Variants in XYLT2 observed in about 807,000 individuals in gnomAD.
XYLT2 encodes the protein xylosyltransferase 2.
In XYLT2, 37 loss-of-function variants were observed where a neutral mutation model predicts 82.6. That is an observed-to-expected ratio of 0.45 (90% CI 0.34 to 0.59). The LOEUF (loss-of-function observed/expected upper bound fraction) is 0.59, where lower values mean the gene tolerates loss of function less well. Among genes scored for constraint, XYLT2 ranks in the 20% least tolerant of loss-of-function variants. The pLI is 0.01. For synonymous variants in XYLT2, 474 were observed against 499.0 expected (o/e 0.95, Z 0.67); for missense variants, 934 against 1,181.3 (o/e 0.79, Z 3.07).
rs913399222 is a variant in XYLT2 at position 50,346,485 on chromosome 17, T to C, written c.135+210T>C. The C allele has an allele frequency of 6.0e-6, 5 of 835,012 alleles. No individual in the cohort carries two copies. The highest frequency in any genetic ancestry group is 5.8e-6 in the Non-Finnish European group (4 of 692,820). The allele number at this position is 835,012 out of a possible 1,614,324, so 51.7% of individuals were successfully genotyped here. ...CTGCGCGCGGGGGCAGTGCGTGACC[T>C]GGAGACCCGGGCCCTGGTGGATTGG... On this transcript the variant is annotated intron_variant, in intron 1 of 10. Coordinates refer to ENST00000017003, the MANE Select transcript of XYLT2 (RefSeq NM_022167.4). The surrounding 1 kb of genome is among the most constrained non-coding windows in gnomAD (Gnocchi z 5.1).
Position 50,354,911 on chromosome 17 carries a change from C to G in XYLT2, c.862C>G (p.Arg288Gly). ...GCTGGCCCAGGGCTATGATAACGTG[C>G]GGGTGACGCCCTGGCGCATGGTTAC... The part of the protein sequence containing the change: ...VELAQGYDNV[R>G]VTPWRMVTIW... Residue 288 changes from arginine (R) to glycine (G), a missense_variant, in exon 4 of 11, where the codon CGG becomes GGG. By Grantham distance (125) the Arg-to-Gly change is moderately radical. Coordinates refer to ENST00000017003, the MANE Select transcript of XYLT2 (RefSeq NM_022167.4). 1.2e-6 allele frequency: 2 copies of G among 1,608,594 alleles called. No individual in the cohort carries two copies. Among genetic ancestry groups the G allele is most frequent in the Non-Finnish European group, 1.7e-6 (2 of 1,177,362 alleles).
Position 50,353,943 on chromosome 17 carries a change from C to T in XYLT2, c.449C>T (p.Ala150Val). The T allele has an allele frequency of 1.9e-6, 3 of 1,606,548 alleles. No individual in the cohort carries two copies. The highest frequency in any genetic ancestry group is 2.2e-5 in the East Asian group (1 of 44,856). ...GGAGATACAGGGAGCGTGGAGGGCG[C>T]CCCCCAGCCCACGGACAATGGCTTC... is the stretch of plus-strand genomic sequence containing the variant. ...PHGDTGSVEG[A>V]PQPTDNGFTP... Residue 150 changes from alanine (A) to valine (V), a missense_variant, in exon 2 of 11, where the codon GCC (alanine) becomes GTC (valine). By Grantham distance (64) the Ala-to-Val change is moderately conservative. Coordinates refer to ENST00000017003, the MANE Select transcript of XYLT2 (RefSeq NM_022167.4).
intron 1 of XYLT2, among the ~76,000 whole-genome samples, chr17:50,349,723 G>A (rs1482680051): frequency 7.2e-5 from 11 of 152,134 alleles, no homozygotes; most frequent in Non-Finnish European, 1.5e-5. Context: ...ACTGGTAGTG[G>A]GTAGGGTGTG....
chr17:50,348,023 C>G (rs72832435), intron 1 of XYLT2, among the ~76,000 whole-genome samples: 3,638 of 152,336 alleles, frequency 0.024, 65 homozygotes, highest in Middle Eastern at 0.061. Context: ...GAAGCACTTG[C>G]AGGAGTTCCT....
intron 1 of XYLT2, among the ~76,000 whole-genome samples, chr17:50,350,634 G>A (rs1428816651): frequency 6.6e-6 from 1 of 152,130 alleles, no homozygotes; most frequent in East Asian, 1.9e-4. Flanking sequence ...CTATGTCAGT[G>A]AACAAAACAG....
chr17:50,358,608 C>A, intron 10 of XYLT2, 68 bp downstream of exon 10: 2 of 1,464,106 alleles, frequency 1.4e-6, no homozygotes, highest in South Asian at 2.7e-5. Flanking sequence ...GAGGTGACCT[C>A]AAGAAGCCAA....
chr17:50,356,502 C>T lies in XYLT2; in HGVS notation c.1483-9C>T. On this transcript the variant is annotated splice_polypyrimidine_tract_variant and intron_variant, in intron 7 of 10. Coordinates refer to ENST00000017003, the MANE Select transcript of XYLT2 (RefSeq NM_022167.4). The stretch of plus-strand genomic sequence containing the variant: ...GAGCCCTTCACCCTCCTTGCCTCTC[C>T]CACTCCAGCAAGTCTCCAGACCCAC... 2 of 1,613,394 alleles carry T rather than the reference C, an allele frequency of 1.2e-6. No homozygotes were observed. The highest frequency in any genetic ancestry group is 1.7e-6 in the Non-Finnish European group (2 of 1,179,624).
intron 9 of XYLT2, 86 bp from the exon 10 acceptor site, chr17:50,358,121 C>T: frequency 1.6e-6 from 2 of 1,270,192 alleles, no homozygotes; most frequent in South Asian, 1.5e-5. Flanking sequence ...AGTGACTGGC[C>T]TGAGATTACA....
chr17:50,354,787 C>A (rs763783567), intron 3 of XYLT2, 67 bp from the exon 4 acceptor site: 1 of 1,597,374 alleles, frequency 6.3e-7, no homozygotes, highest in East Asian at 2.2e-5. Context: ...TCCCTTCACT[C>A]TGTCCTGGGG....
intron 10 of XYLT2, 58 bp downstream of exon 10, chr17:50,358,598 G>A: frequency 1.3e-6 from 2 of 1,503,344 alleles, no homozygotes; most frequent in South Asian, 1.3e-5. Flanking sequence ...ACTCGCCAGA[G>A]AGGTGACCTC....
Position 50,348,902 on chromosome 17 carries a change from CTG to C in XYLT2, c.135+2630_135+2631del, listed in dbSNP as rs143388639. Among the ~76,000 whole-genome samples, 686 of 152,324 alleles carry C rather than the reference CTG, an allele frequency of 4.5e-3. 18 individuals are homozygous for C. The South Asian group carries it at 0.056, about 12-fold the overall frequency. ...GACCTCAGGGGCTGCTGGGGGCAGC[CTG>C]TGAGGGGCACAAGGCTGGGGCTGTG... On this transcript the variant is annotated intron_variant, in intron 1 of 10. Coordinates refer to ENST00000017003, the MANE Select transcript of XYLT2 (RefSeq NM_022167.4).
At chr17:50,355,622 T>A (rs769294897) in intron 5 of XYLT2, 41 bp downstream of exon 5, 11 of 1,609,990 alleles carry the variant, frequency 6.8e-6, no homozygotes, top group Non-Finnish European at 7.6e-6. Context: ...CAGAGTCTTG[T>A]CCCAACCCCT....
intron 3 of XYLT2, 71 bp downstream of exon 3, chr17:50,354,654 AGTCTCTG>A: frequency 1.3e-6 from 2 of 1,546,502 alleles, no homozygotes; most frequent in South Asian, 2.4e-5. Context: ...AGACAGACAG[AGTCTCTG>A]ACCTGGCCCA....
Position 50,354,422 on chromosome 17 carries a change from G to A in XYLT2, c.643G>A (p.Gly215Ser), listed in dbSNP as rs148860176. 64 of 1,607,912 alleles carry A rather than the reference G, an allele frequency of 4.0e-5. No individual in the cohort carries two copies. The African/African-American group carries it at 4.0e-4, about 10-fold the overall frequency. ...TCTGCTCTCAGGGAAGATGAGCCCCGGCATCCAGTGGGATGAGAGCCAAGC... is the reference window on the plus strand; with the variant it reads ...TCTGCTCTCAGGGAAGATGAGCCCCAGCATCCAGTGGGATGAGAGCCAAGC... ...HCQLTGKMSP[G>S]IQWDESQAQQ... The change falls in exon 3 of 11, where the codon GGC becomes AGC. Residue 215 changes from glycine to serine, a missense_variant. This residue lies in a region of XYLT2 where 371 missense variants were observed against 394.9 expected (regional missense o/e 0.94). Transcript: ENST00000017003.
At chr17:50,353,264 C>T (rs1279424525) in intron 1 of XYLT2, among the ~76,000 whole-genome samples, 2 of 152,172 alleles carry the variant, frequency 1.3e-5, no homozygotes, top group Non-Finnish European at 2.9e-5. Flanking sequence ...CACTTGTACC[C>T]TCGGTGGGGT....
Position 50,360,961 on chromosome 17 carries a change from A to G in XYLT2, c.*670A>G. 1 of 985,836 alleles carries G rather than the reference A, an allele frequency of 1.0e-6. No homozygotes were observed. 61.1% of individuals were successfully genotyped at this position (985,836 alleles called of 1,614,324 possible). A position where few individuals can be genotyped will look rare whatever the true frequency, so the allele number is the denominator to read the frequency against. ...GCTTTCCAGCATACCCTGCCCCTGG[A>G]TGGGAAAGGCAGGGTCAGGGCCCAC... is the stretch of plus-strand genomic sequence containing the variant. On this transcript the variant is annotated 3_prime_UTR_variant, in exon 11 of 11. Transcript: ENST00000017003.
Position 50,356,159 on chromosome 17 carries a change from C to T in XYLT2, c.1380C>T (p.Asn460=). ...TGGACAACAACCTGCGGGTCACCAA[C>T]TGGAACCGCAAGCTGGGCTGCAAGT... ...TLVDNNLRVT[N]WNRKLGCKCQ... The change falls in exon 7 of 11, where the codon AAC becomes AAT. Residue 460 remains asparagine, a synonymous_variant. Transcript: ENST00000017003. The T allele has an allele frequency of 6.2e-7, 1 of 1,614,254 alleles. No individual in the cohort carries two copies. Among genetic ancestry groups the T allele is most frequent in the South Asian group, 1.1e-5 (1 of 91,090 alleles).
At chr17:50,351,220 G>A (rs1439071699) in intron 1 of XYLT2, among the ~76,000 whole-genome samples, 1 of 152,166 alleles carries the variant, frequency 6.6e-6, no homozygotes, top group Non-Finnish European at 1.5e-5. Flanking sequence ...GGAAGACCAG[G>A]GAATCCAGGC....
chr17:50,355,612 C>G, intron 5 of XYLT2, 31 bp downstream of exon 5: 1 of 1,613,182 alleles, frequency 6.2e-7, no homozygotes, highest in Non-Finnish European at 8.5e-7. Flanking sequence ...GCCCTGGCCC[C>G]AGAGTCTTGT....
Sources: allele counts gnomAD v4.1 joint callset (sites outside exome capture counted in the v4.1 genomes callset), GRCh38; gene constraint gnomAD v4.1.1; regional missense constraint gnomAD v4.1.1; non-coding constraint Gnocchi (gnomAD v3.1); transcripts MANE v1.5; gene names NCBI Gene and HGNC (gene_info 2026-07-23, HGNC 2026-07-21).